Variants in C14orf93 observed in about 807,000 individuals in gnomAD.
The protein encoded by C14orf93 is uncharacterized protein C14orf93.
In C14orf93, 23 loss-of-function variants were observed where a neutral mutation model predicts 44.0. The observed-to-expected ratio is 0.52, with a 90% CI of 0.38 to 0.74. The LOEUF is 0.74. Among genes scored for constraint, C14orf93 ranks in the 30% least tolerant of loss-of-function variants. The pLI, the probability that C14orf93 is intolerant of heterozygous loss-of-function variation, is 0.00. For missense variants in C14orf93, 579 were observed against 678.9 expected (o/e 0.85, Z 1.64); for synonymous variants, 253 against 265.7 (o/e 0.95, Z 0.46).
At position 22,987,985 on chromosome 14, in the gene C14orf93, C is replaced by A; in HGVS notation, c.1115G>T (p.Arg372Met). 1 of 1,613,770 alleles carries A rather than the reference C, an allele frequency of 6.2e-7. No individual in the cohort carries two copies. Among genetic ancestry groups the A allele is most frequent in the Non-Finnish European group, 8.5e-7 (1 of 1,179,812 alleles). ...GTTCAGGGAGTTGCGGTACTCACGC[C>A]TCTTAGTAAGGAAGTAGGCCACACA... ...GACVAYFLTK[R>M]REYRNSLNPF... The change falls in exon 6 of 7, where the codon AGG (arginine) becomes ATG (methionine). Residue 372 changes from arginine (R) to methionine (M), a missense_variant. Physicochemically the swap from Arg to Met is moderately conservative, Grantham distance 91. Transcript: ENST00000299088. The surrounding 1 kb of genome is among the most constrained non-coding windows in gnomAD (Gnocchi z 5.6).
rs1352886274 is a variant in C14orf93, at chr14:22,987,042, A to G, written c.*173T>C. 1 of 668,472 alleles carries G rather than the reference A, an allele frequency of 1.5e-6. No individual in the cohort carries two copies. Among genetic ancestry groups the G allele is most frequent in the Admixed American group, 3.0e-5 (1 of 33,422 alleles). 41.4% of individuals were successfully genotyped at this position (668,472 alleles called of 1,614,324 possible). On this transcript the variant is annotated 3_prime_UTR_variant, in exon 7 of 7. Transcript: ENST00000299088. This position sits in a 1 kb window ranked among gnomAD's most constrained non-coding sequence, Gnocchi z 5.6. The stretch of plus-strand genomic sequence containing the variant: ...GGAGGGAGTTTCTCCCCTTCTAGAT[A>G]AGTTTTTATCCCACCAGTGTTCTGC...
Position 22,987,658 on chromosome 14 carries a change from G to A in C14orf93, c.1198-24C>T, listed in dbSNP as rs1566664790. 6.5e-7 allele frequency: 1 copy of A among 1,547,198 alleles called. No individual in the cohort carries two copies. The highest frequency in any genetic ancestry group is 8.7e-7 in the Non-Finnish European group (1 of 1,150,432). ...AGCTAAGGCAGGAACCCAGGAGATAGATTAGGAAGGTAAACATTCTATGGA... is the reference window on the plus strand; with the variant it reads ...AGCTAAGGCAGGAACCCAGGAGATAAATTAGGAAGGTAAACATTCTATGGA... On this transcript the variant is annotated intron_variant, in intron 6 of 6. Transcript: ENST00000299088. The surrounding 1 kb of genome is among the most constrained non-coding windows in gnomAD (Gnocchi z 5.6).
At chr14:22,991,532 A>G (rs967855535) in intron 3 of C14orf93, among the ~76,000 whole-genome samples, 1 of 150,480 alleles carries the variant, frequency 6.6e-6, no homozygotes, top group African/African-American at 2.4e-5. Flanking sequence ...GGTGTGAGCC[A>G]CCGCACCGGG....
intron 1 of C14orf93, chr14:23,006,714 C>A (rs1430432794): frequency 6.6e-6 from 1 of 152,242 alleles, no homozygotes; most frequent in Admixed American, 6.5e-5. Flanking sequence ...AGGGCAGAAC[C>A]GTTTCCGATG....
chr14:22,999,088 A>C lies in C14orf93; in HGVS notation c.-65T>G. On this transcript the variant is annotated 5_prime_UTR_variant, in exon 2 of 7. Coordinates refer to ENST00000299088, the MANE Select transcript of C14orf93 (RefSeq NM_021944.4). ...CCGCTCCAACAGGTAGGAAGCATCA[A>C]CTTCTCTGGACTCACTTTCCTTTCT... 2 of 1,524,342 alleles carry C rather than the reference A, an allele frequency of 1.3e-6. No homozygotes were observed. The highest frequency in any genetic ancestry group is 1.8e-6 in the Non-Finnish European group (2 of 1,140,794). 94.4% of individuals were successfully genotyped at this position (1,524,342 alleles called of 1,614,324 possible).
chr14:22,990,975 C>A (rs1375220892), intron 3 of C14orf93, among the ~76,000 whole-genome samples: 1 of 149,932 alleles, frequency 6.7e-6, no homozygotes, highest in Admixed American at 6.6e-5. Flanking sequence ...CCTGCCACCA[C>A]GTCCGGCTAA....
At chr14:23,000,714 CAAAAAAAAA>C (rs758471653) in intron 1 of C14orf93, among the ~76,000 whole-genome samples, 4 of 55,072 alleles carry the variant, frequency 7.3e-5, no homozygotes, top group Non-Finnish European at 1.5e-4. Flanking sequence ...GACTCCACCT[CAAAAAAAAA>C]AAAAAAAAAA....
chr14:22,994,750 A>T (rs1170701332), intron 3 of C14orf93, among the ~76,000 whole-genome samples: 1 of 151,670 alleles, frequency 6.6e-6, no homozygotes, highest in African/African-American at 2.4e-5. Flanking sequence ...AAAAAAAAAG[A>T]AGTTTTTGGG....
At chr14:23,008,702 T>C (rs1047549732) in intron 1 of C14orf93, among the ~76,000 whole-genome samples, 6 of 152,254 alleles carry the variant, frequency 3.9e-5, no homozygotes, top group Non-Finnish European at 1.5e-5. Flanking sequence ...ATAGGGCTCC[T>C]ATAACAGGAG....
intron 3 of C14orf93, among the ~76,000 whole-genome samples, chr14:22,992,326 C>T (rs1457220448): frequency 2.0e-5 from 3 of 151,642 alleles, no homozygotes; most frequent in Non-Finnish European, 2.9e-5. Context: ...ATTAGCCAGG[C>T]GTGGTGGCGT....
At chr14:22,995,397 A>G (rs1275881520) in intron 3 of C14orf93, among the ~76,000 whole-genome samples, 1 of 152,156 alleles carries the variant, frequency 6.6e-6, no homozygotes, top group Non-Finnish European at 1.5e-5. Context: ...AACACTAGGA[A>G]GGCTGGGCAT....
In C14orf93 at chr14:22,996,115, G is replaced by C; in HGVS notation, c.751C>G (p.Pro251Ala). 3 of 1,614,002 alleles carry C rather than the reference G, an allele frequency of 1.9e-6. No homozygotes were observed. Among genetic ancestry groups the C allele is most frequent in the Non-Finnish European group, 2.5e-6 (3 of 1,179,964 alleles). Residue 251 changes from proline to alanine, a missense_variant, in exon 3 of 7, where the codon CCT becomes GCT. By Grantham distance (27) the Pro-to-Ala change is conservative. Transcript: ENST00000299088. This position sits in a 1 kb window ranked among gnomAD's most constrained non-coding sequence, Gnocchi z 4.1. ...ENGTKLPPPR[P>A]EDMLNAAAAL... ...GCAGCGGCATTGAGCATGTCCTCAG[G>C]GCGGGGTGGTGGCAGCTTGGTTCCA...
intron 2 of C14orf93, 186 bp downstream of exon 2, chr14:22,998,241 G>C (rs1439774510): frequency 5.6e-6 from 5 of 887,220 alleles, no homozygotes; most frequent in East Asian, 3.0e-5. Context: ...TTCTGCCAAA[G>C]AAGCTGATGG....
intron 3 of C14orf93, among the ~76,000 whole-genome samples, chr14:22,991,008 C>A (rs1178147483): frequency 1.3e-5 from 2 of 150,042 alleles, no homozygotes; most frequent in Non-Finnish European, 1.5e-5. Context: ...TTAGTAGAGA[C>A]GGGGTTTCAC....
chr14:22,999,842 A>C (rs1436679004), intron 1 of C14orf93: 1 of 152,238 alleles, frequency 6.6e-6, no homozygotes, highest in Admixed American at 6.5e-5. Flanking sequence ...TCTCACTGTT[A>C]TATTATATCA....
At chr14:23,004,450 G>A (rs2046526767) in intron 1 of C14orf93, among the ~76,000 whole-genome samples, 1 of 151,950 alleles carries the variant, frequency 6.6e-6, no homozygotes, top group African/African-American at 2.4e-5. Context: ...GAGCCACTGT[G>A]CCCAGGCCCA....
chr14:22,988,148 T>C, intron 5 of C14orf93, 133 bp from the exon 6 acceptor site: 1 of 594,018 alleles, frequency 1.7e-6, no homozygotes, highest in East Asian at 2.9e-5. Context: ...TTTTTTTTTT[T>C]TTGAGATGTA....
In C14orf93 at chr14:22,990,107, A is replaced by G. The variant is rs1321500065; in HGVS notation, c.939T>C (p.His313=). The stretch of plus-strand genomic sequence containing the variant: ...ATCTCTTGTCATTGGTGATGTGGTT[A>G]TGCACATTGTGGACCAGTTTCTAGG... ...LVLSKLVHNV[H]NHITNDKRFN... Residue 313 remains histidine, a synonymous_variant, in exon 4 of 7, where the codon CAT becomes CAC. Coordinates refer to ENST00000299088, the MANE Select transcript of C14orf93 (RefSeq NM_021944.4). 2 of 1,613,740 alleles carry G rather than the reference A, an allele frequency of 1.2e-6. No individual in the cohort carries two copies. Among genetic ancestry groups the G allele is most frequent in the Non-Finnish European group, 8.5e-7 (1 of 1,179,724 alleles).
chr14:23,004,899 C>T (rs1204772372), intron 1 of C14orf93, among the ~76,000 whole-genome samples: 4 of 152,096 alleles, frequency 2.6e-5, no homozygotes, highest in African/African-American at 9.7e-5. Flanking sequence ...GCCTGGGCAA[C>T]AAGAGTGAAA....
Sources: gnomAD v4.1 joint callset for allele counts (sites outside exome capture counted in the v4.1 genomes callset) on GRCh38, gnomAD v4.1.1 for gene constraint, Gnocchi (gnomAD v3.1) non-coding constraint, MANE v1.5 for transcripts, NCBI Gene and HGNC (gene_info 2026-07-23, HGNC 2026-07-21) for gene names.